The following NOS2 variants were observed in gnomAD, a reference collection of about 807,000 sequenced individuals.
The protein encoded by NOS2 is nitric oxide synthase, inducible.
Under a neutral mutation model 136.0 loss-of-function variants are expected in NOS2, and 96 were observed. That is an observed-to-expected ratio of 0.71 (90% CI 0.60 to 0.84). The LOEUF (loss-of-function observed/expected upper bound fraction) is 0.84, where lower values mean the gene tolerates loss of function less well. Among genes scored for constraint, NOS2 ranks in the 40% least tolerant of loss-of-function variants. NOS2 has a pLI of 0.00. For synonymous variants in NOS2, 539 were observed against 587.5 expected (o/e 0.92, Z 1.20); for missense variants, 1,237 against 1,496.9 (o/e 0.83, Z 2.87).
intron 2 of NOS2, among the ~76,000 whole-genome samples, chr17:27,792,388 C>T (rs1909219384): frequency 6.6e-6 from 1 of 152,200 alleles, no homozygotes; most frequent in African/African-American, 2.4e-5. Context: ...TTATACTTTT[C>T]CACATCTTCC....
chr17:27,783,045 CT>C lies in NOS2; in HGVS notation c.528del (p.Gly177GlufsTer5). The C allele has an allele frequency of 6.2e-7, 1 of 1,614,230 alleles. No homozygotes were observed. The highest frequency in any genetic ancestry group is 8.5e-7 in the Non-Finnish European group (1 of 1,180,042). On this transcript the variant is annotated frameshift_variant, in exon 6 of 27. Transcript: ENST00000313735. LOFTEE classifies it high-confidence loss of function. The part of the protein sequence containing the change: ...VEAVTKEIET[T>X]GTYQLTGDEL... ...TCATCTCCCGTCAGTTGGTAGGTTC[CT>C]GTTGTTTCTATCTCCTTTGTTACCG...
At position 27,778,964 on chromosome 17, in the gene NOS2, C is replaced by G; in HGVS notation, c.1097G>C (p.Gly366Ala). 3 of 1,612,982 alleles carry G rather than the reference C, an allele frequency of 1.9e-6. No homozygotes were observed. Among genetic ancestry groups the G allele is most frequent in the South Asian group, 1.1e-5 (1 of 91,002 alleles). ...LLEVGGLEFPGCPFNGWYMGT... is the reference protein window; with the variant it reads ...LLEVGGLEFPACPFNGWYMGT... ...CATGTACCAGCCATTGAAGGGGCAC[C>G]CTGGGAACTCCAGGCCGCCCACCTC... Residue 366 changes from glycine to alanine, a missense_variant, in exon 10 of 27, where the codon GGG becomes GCG. Physicochemically the swap from Gly to Ala is moderately conservative, Grantham distance 60. Transcript: ENST00000313735.
chr17:27,770,870 T>C (rs1287508477), intron 15 of NOS2, 43 bp downstream of exon 15: 3 of 1,471,748 alleles, frequency 2.0e-6, no homozygotes, highest in African/African-American at 1.4e-5. Flanking sequence ...GGTCCTCCCG[T>C]GCCCTACCAC....
rs1276879860 is a variant in NOS2 at position 27,763,018 on chromosome 17, G to C, written c.2593-13C>G. The C allele has an allele frequency of 1.3e-6, 2 of 1,573,696 alleles. No individual in the cohort carries two copies. Among genetic ancestry groups the C allele is most frequent in the East Asian group, 2.3e-5 (1 of 44,142 alleles). The stretch of plus-strand genomic sequence containing the variant: ...TGTACTCTGAGGGCTAAAAGCCAAG[G>C]GTGATGTCAGTGACTCAGGGCGCCT... On this transcript the variant is annotated splice_polypyrimidine_tract_variant and intron_variant, in intron 21 of 26. Coordinates refer to ENST00000313735, the MANE Select transcript of NOS2 (RefSeq NM_000625.4).
chr17:27,787,203 G>C (rs1207816460), intron 5 of NOS2, among the ~76,000 whole-genome samples: 1 of 152,144 alleles, frequency 6.6e-6, no homozygotes, highest in Non-Finnish European at 1.5e-5. Context: ...GGCCTGACTA[G>C]GTGGTCTCAG....
Position 27,778,794 on chromosome 17 carries a change from A to G in NOS2, c.1180-3T>C, listed in dbSNP as rs772758861. 9 of 1,613,894 alleles carry G rather than the reference A, an allele frequency of 5.6e-6. No individual in the cohort carries two copies. The highest frequency in any genetic ancestry group is 7.6e-6 in the Non-Finnish European group (9 of 1,179,954). Reference sequence around the variant, plus strand: ...AGGCCCATTCTCCTGCCCACTTCCTACAGAGGCAGAGTGATAGCGGCGAGT... The same window carrying G: ...AGGCCCATTCTCCTGCCCACTTCCTGCAGAGGCAGAGTGATAGCGGCGAGT... On this transcript the variant is annotated splice_region_variant and splice_polypyrimidine_tract_variant and intron_variant, in intron 10 of 26. Transcript: ENST00000313735.
chr17:27,779,031 G>T lies in NOS2; in HGVS notation c.1030C>A (p.Leu344Ile). The T allele has an allele frequency of 6.4e-7, 1 of 1,554,732 alleles. No individual in the cohort carries two copies. The highest frequency in any genetic ancestry group is 8.7e-7 in the Non-Finnish European group (1 of 1,147,430). ...PKYEWFRELELKWYALPAVAN... is the reference protein window; with the variant it reads ...PKYEWFRELEIKWYALPAVAN... ...ACTGCAGGCAGGGCGTACCACTTTA[G>T]CTCCAGTTCCCGAAACCACTCGTAT... The change falls in exon 10 of 27, where the codon CTA (leucine) becomes ATA (isoleucine). Residue 344 changes from leucine (L) to isoleucine (I), a missense_variant. Physicochemically the swap from Leu to Ile is conservative, Grantham distance 5. Transcript: ENST00000313735.
At chr17:27,763,954 C>T in intron 21 of NOS2, 27 bp downstream of exon 21, 1 of 1,597,834 alleles carries the variant, frequency 6.3e-7, no homozygotes, top group South Asian at 1.1e-5. Context: ...CCACATACCC[C>T]CACTGCCCAC....
chr17:27,758,992 A>T lies in NOS2; in HGVS notation c.3243T>A (p.Val1081=). The stretch of plus-strand genomic sequence containing the variant: ...CCCGGGCCATGCGCACATCCCCGCA[A>T]ACATAGAGGTGGCCTGGCTCCTTGT... ...VLHKEPGHLY[V]CGDVRMARDV... The change falls in exon 26 of 27, where the codon GTT becomes GTA. Residue 1081 remains valine (V), a synonymous_variant. Transcript: ENST00000313735. The T allele has an allele frequency of 6.2e-7, 1 of 1,613,034 alleles. No individual in the cohort carries two copies. The highest frequency in any genetic ancestry group is 8.5e-7 in the Non-Finnish European group (1 of 1,179,622).
chr17:27,789,808 G>A (rs960785190), intron 2 of NOS2, 120 bp from the exon 3 acceptor site: 11 of 692,210 alleles, frequency 1.6e-5, no homozygotes, highest in African/African-American at 1.6e-4. Flanking sequence ...GGGTGGGAGT[G>A]AATTGTTCAT....
chr17:27,791,224 G>A (rs968895245), intron 2 of NOS2, among the ~76,000 whole-genome samples: 1 of 152,050 alleles, frequency 6.6e-6, no homozygotes, highest in Non-Finnish European at 1.5e-5. Context: ...CCCTGTAAAG[G>A]GCCTTCCATG....
chr17:27,763,003 G>A lies in NOS2; in HGVS notation c.2595C>T (p.Pro865=). 1 of 1,595,706 alleles carries A rather than the reference G, an allele frequency of 6.3e-7. No homozygotes were observed. Among genetic ancestry groups the A allele is most frequent in the Non-Finnish European group, 8.5e-7 (1 of 1,171,664 alleles). ...ERQRLEALCQ[P]SEYSKWKFTN... ...TGAACTTCCACTTGCTGTACTCTGA[G>A]GGCTAAAAGCCAAGGGTGATGTCAG... is the stretch of plus-strand genomic sequence containing the variant. The change falls in exon 22 of 27, where the codon CCC becomes CCT. Residue 865 remains proline (P), a splice_region_variant and synonymous_variant. Coordinates refer to ENST00000313735, the MANE Select transcript of NOS2 (RefSeq NM_000625.4).
At chr17:27,790,531 G>T (rs960631447) in intron 2 of NOS2, among the ~76,000 whole-genome samples, 1 of 151,920 alleles carries the variant, frequency 6.6e-6, no homozygotes, top group Non-Finnish European at 1.5e-5. Context: ...ACCTTCCATG[G>T]GCCCTTCACC....
chr17:27,760,785 C>T lies in NOS2; in HGVS notation c.2889-41G>A, dbSNP rs200190924. The stretch of plus-strand genomic sequence containing the variant: ...GAAGAGGGGGCCAGTCCTCAGACAC[C>T]CCAGGCCCACGCACACACAGGATGG... On this transcript the variant is annotated intron_variant, in intron 23 of 26. Coordinates refer to ENST00000313735, the MANE Select transcript of NOS2 (RefSeq NM_000625.4). 16 of 1,535,306 alleles carry T rather than the reference C, an allele frequency of 1.0e-5. No individual in the cohort carries two copies. In the South Asian group the frequency reaches 1.8e-4, roughly 17 times the overall value.
At chr17:27,790,194 A>G (rs1909147451) in intron 2 of NOS2, among the ~76,000 whole-genome samples, 1 of 152,192 alleles carries the variant, frequency 6.6e-6, no homozygotes, top group Non-Finnish European at 1.5e-5. Flanking sequence ...CTCAGGTTCA[A>G]GTGAACCTCC....
At chr17:27,777,243 A>T (rs1908688571) in intron 11 of NOS2, among the ~76,000 whole-genome samples, 1 of 152,258 alleles carries the variant, frequency 6.6e-6, no homozygotes, top group Non-Finnish European at 1.5e-5. Flanking sequence ...AGCACCAGGC[A>T]AATGCTGAGT....
chr17:27,759,159 G>T, intron 25 of NOS2, 84 bp from the exon 26 acceptor site: 1 of 996,290 alleles, frequency 1.0e-6, no homozygotes, highest in Non-Finnish European at 1.4e-6. Context: ...CAAGGAGGCG[G>T]GGAGAGGGGC....
chr17:27,767,655 G>A (rs765341557), intron 18 of NOS2, 50 bp downstream of exon 18: 3 of 1,599,192 alleles, frequency 1.9e-6, no homozygotes, highest in South Asian at 1.1e-5. Flanking sequence ...TGGGCTTAGG[G>A]CTCAGACCCC....
chr17:27,768,221 T>C (rs1908374011), intron 17 of NOS2, among the ~76,000 whole-genome samples: 1 of 151,922 alleles, frequency 6.6e-6, no homozygotes, highest in Admixed American at 6.6e-5. Context: ...CCAGCCAATT[T>C]TCTGTATTTT....
Sources: gnomAD v4.1 joint callset for allele counts (sites outside exome capture counted in the v4.1 genomes callset) on GRCh38, gnomAD v4.1.1 for gene constraint, MANE v1.5 for transcripts, NCBI Gene and HGNC (gene_info 2026-07-23, HGNC 2026-07-21) for gene names.